The following HEG1 variants were observed in gnomAD, a reference collection of about 807,000 sequenced individuals.
HEG1 encodes the protein protein HEG homolog 1.
HEG1 carries 56 observed loss-of-function variants against 125.6 expected under a neutral mutation model. The ratio of observed to expected loss-of-function variants is 0.45; its 90% CI spans 0.36 to 0.56. The LOEUF (loss-of-function observed/expected upper bound fraction) is 0.56. Among genes scored for constraint, HEG1 ranks in the 20% least tolerant of loss-of-function variants. The pLI, the probability that HEG1 is intolerant of heterozygous loss-of-function variation, is 0.00. For synonymous variants in HEG1, 644 were observed against 668.5 expected (o/e 0.96, Z 0.57); for missense variants, 1,523 against 1,670.0 (o/e 0.91, Z 1.53).
At chr3:124,986,434 C>T (rs1042784096) in intron 14 of HEG1, among the ~76,000 whole-genome samples, 1 of 152,112 alleles carries the variant, frequency 6.6e-6, no homozygotes, top group Non-Finnish European at 1.5e-5. Flanking sequence ...CACAGACTCC[C>T]AATATGCTAT....
At chr3:124,971,450 C>CT (rs11438219) in intron 16 of HEG1, among the ~76,000 whole-genome samples, 52,885 of 149,814 alleles carry the variant, frequency 0.35, 9,870 homozygotes, top group East Asian at 0.47. Context: ...CTTTCTTTTT[C>CT]TTTTTTTACC....
chr3:125,039,760 C>G (rs1284189062), intron 1 of HEG1, among the ~76,000 whole-genome samples: 1 of 150,282 alleles, frequency 6.7e-6, no homozygotes, highest in Non-Finnish European at 1.5e-5. Flanking sequence ...CAGACACAGT[C>G]TGAACCTAGG....
chr3:125,055,105 G>A (rs150939319), intron 1 of HEG1, among the ~76,000 whole-genome samples: 164 of 152,210 alleles, frequency 1.1e-3, no homozygotes, highest in African/African-American at 3.4e-3. Context: ...TTCAAACTAC[G>A]TACATCCTTT....
chr3:125,013,128 T>C lies in HEG1; in HGVS notation c.2451A>G (p.Pro817=), dbSNP rs754442881. ...KAVTTNSPLP[P]SLTESSTEQT... ...GCTCTGTGGAGGACTCTGTTAAGGA[T>C]GGAGGCAAAGGAGAGTTTGTTGTTA... The change falls in exon 6 of 17, where the codon CCA becomes CCG. Residue 817 remains proline, a synonymous_variant. Transcript: ENST00000311127. 1.9e-6 allele frequency: 3 copies of C among 1,613,874 alleles called. No homozygotes were observed. Among genetic ancestry groups the C allele is most frequent in the African/African-American group, 2.7e-5 (2 of 74,932 alleles).
In HEG1 at chr3:124,973,885, C is replaced by T; in HGVS notation, c.3842G>A (p.Ser1281Asn). The change falls in exon 16 of 17, where the codon AGC (serine) becomes AAC (asparagine). Residue 1281 changes from serine (S) to asparagine (N), a missense_variant. By Grantham distance (46) the Ser-to-Asn change is conservative. Coordinates refer to ENST00000311127, the MANE Select transcript of HEG1 (RefSeq NM_020733.2). ...ATCTCCACTTTTGAAGATGAGTTTG[C>T]TTATGTCATTTTTATTCTTTCTGTG... is the stretch of plus-strand genomic sequence containing the variant. Reference protein sequence around the residue: ...TCCRKNKNDISKLIFKSGDFQ... With the variant: ...TCCRKNKNDINKLIFKSGDFQ... 2 of 1,611,512 alleles carry T rather than the reference C, an allele frequency of 1.2e-6. No individual in the cohort carries two copies. The highest frequency in any genetic ancestry group is 1.1e-5 in the South Asian group (1 of 90,648).
intron 9 of HEG1, among the ~76,000 whole-genome samples, chr3:125,004,584 G>T (rs1937044567): frequency 6.6e-6 from 1 of 151,950 alleles, no homozygotes. Context: ...CAACCTCTGG[G>T]GCTCATGTAA....
At chr3:125,026,931 C>T (rs1354227609) in intron 3 of HEG1, among the ~76,000 whole-genome samples, 6 of 152,142 alleles carry the variant, frequency 3.9e-5, no homozygotes, top group Non-Finnish European at 7.3e-5. Flanking sequence ...ACCTGGGAGG[C>T]AGAGGTTGCA....
intron 1 of HEG1, among the ~76,000 whole-genome samples, chr3:125,030,773 G>A (rs1329569150): frequency 6.6e-6 from 1 of 152,066 alleles, no homozygotes; most frequent in African/African-American, 2.4e-5. Flanking sequence ...GGTGGGGGAG[G>A]TCATGCATCT....
chr3:125,004,426 T>C (rs1473195334), intron 9 of HEG1, among the ~76,000 whole-genome samples: 1 of 152,200 alleles, frequency 6.6e-6, no homozygotes, highest in African/African-American at 2.4e-5. Context: ...GTTTATTATA[T>C]GAGCTTCATT....
chr3:124,979,839 G>A (rs1345658551), intron 14 of HEG1, among the ~76,000 whole-genome samples: 1 of 152,210 alleles, frequency 6.6e-6, no homozygotes, highest in African/African-American at 2.4e-5. Flanking sequence ...AGCTTCTAGA[G>A]CACTAGGTGC....
chr3:125,014,987 G>T, intron 5 of HEG1: 2 of 1,262,966 alleles, frequency 1.6e-6, no homozygotes, highest in Non-Finnish European at 1.0e-6. Context: ...CTAGTGCTTG[G>T]CCTGGCTCTC....
At chr3:124,996,031 A>G (rs1302820571) in intron 12 of HEG1, among the ~76,000 whole-genome samples, 1 of 151,606 alleles carries the variant, frequency 6.6e-6, no homozygotes, top group East Asian at 1.9e-4. Flanking sequence ...CAGCGCCCCA[A>G]CACACATGGA....
At chr3:125,049,569 C>T (rs544947150) in intron 1 of HEG1, among the ~76,000 whole-genome samples, 4 of 152,242 alleles carry the variant, frequency 2.6e-5, no homozygotes, top group Admixed American at 6.5e-5. Context: ...TTACACTGAA[C>T]GGCTGAAACT....
intron 1 of HEG1, among the ~76,000 whole-genome samples, chr3:125,052,741 G>A (rs1384876763): frequency 2.0e-5 from 3 of 152,178 alleles, no homozygotes; most frequent in Admixed American, 2.0e-4. Context: ...AACATCAGCT[G>A]AACAGCCAGC....
Position 125,013,162 on chromosome 3 carries a change from G to T in HEG1, c.2417C>A (p.Thr806Asn). The change falls in exon 6 of 17, where the codon ACC becomes AAC. Residue 806 changes from threonine (T) to asparagine (N), a missense_variant. By Grantham distance (65) the Thr-to-Asn change is moderately conservative. Coordinates refer to ENST00000311127, the MANE Select transcript of HEG1 (RefSeq NM_020733.2). ...PSLVSLPTES[T>N]KAVTTNSPLP... ...AGGAGAGTTTGTTGTTACAGCTTTGGTGGACTCTGTGGGCAGAGACACCAG... is the reference window on the plus strand; with the variant it reads ...AGGAGAGTTTGTTGTTACAGCTTTGTTGGACTCTGTGGGCAGAGACACCAG... The T allele has an allele frequency of 6.2e-7, 1 of 1,614,046 alleles. No individual in the cohort carries two copies. Among genetic ancestry groups the T allele is most frequent in the Non-Finnish European group, 8.5e-7 (1 of 1,179,900 alleles).
In HEG1 at chr3:124,973,694, G is replaced by A. The variant is rs369893611; in HGVS notation, c.3996+37C>T. The A allele has an allele frequency of 6.5e-4, 991 of 1,524,648 alleles. 3 individuals are homozygous for A. The highest frequency in any genetic ancestry group is 6.3e-4 in the Non-Finnish European group (708 of 1,123,334). 94.4% of individuals were successfully genotyped at this position (1,524,648 alleles called of 1,614,324 possible). On this transcript the variant is annotated intron_variant, in intron 16 of 16. Coordinates refer to ENST00000311127, the MANE Select transcript of HEG1 (RefSeq NM_020733.2). ...AATTCCTTTACTTCTCAGAGGAACCGGGGGCCCTGGGGTCATCCTGACACA... is the reference window on the plus strand; with the variant it reads ...AATTCCTTTACTTCTCAGAGGAACCAGGGGCCCTGGGGTCATCCTGACACA...
Position 125,010,426 on chromosome 3 carries a change from C to T in HEG1, c.3073+13G>A, listed in dbSNP as rs1435816575. ...CTGTGGTGCAGACCACTGGGCGTTA[C>T]TTTTTCTCTTACCCACACTGCAATC... On this transcript the variant is annotated intron_variant, in intron 7 of 16. Coordinates refer to ENST00000311127, the MANE Select transcript of HEG1 (RefSeq NM_020733.2). 2 of 1,529,158 alleles carry T rather than the reference C, an allele frequency of 1.3e-6. No individual in the cohort carries two copies. The highest frequency in any genetic ancestry group is 1.8e-6 in the Non-Finnish European group (2 of 1,127,128). 94.7% of individuals were successfully genotyped at this position (1,529,158 alleles called of 1,614,324 possible).
Position 125,025,520 on chromosome 3 carries a change from G to T in HEG1, c.913+1685C>A, listed in dbSNP as rs1248692107. Among the ~76,000 whole-genome samples, 6 of 152,170 alleles carry T rather than the reference G, an allele frequency of 3.9e-5. No individual in the cohort carries two copies. In the East Asian group the frequency reaches 1.2e-3, roughly 29 times the overall value. The stretch of plus-strand genomic sequence containing the variant: ...AGCTTTTAAAAGGATGGATGGTAAA[G>T]AATTTCAGGGACAATTAATTTTTTA... On this transcript the variant is annotated intron_variant, in intron 3 of 16. Coordinates refer to ENST00000311127, the MANE Select transcript of HEG1 (RefSeq NM_020733.2).
intron 1 of HEG1, among the ~76,000 whole-genome samples, chr3:125,053,753 T>A (rs903525818): frequency 3.9e-5 from 6 of 152,308 alleles, no homozygotes; most frequent in African/African-American, 1.2e-4. Context: ...AGACCAGCAG[T>A]GTTACCTGCC....
Sources: allele counts gnomAD v4.1 joint callset (sites outside exome capture counted in the v4.1 genomes callset), GRCh38; gene constraint gnomAD v4.1.1; transcripts MANE v1.5; gene names NCBI Gene and HGNC (gene_info 2026-07-23, HGNC 2026-07-21).